The following NSMCE2 variants were observed in gnomAD, a reference collection of about 807,000 sequenced individuals.
The protein encoded by NSMCE2 is NSE2 SUMO ligase component of SMC5/6 complex.
Under a neutral mutation model 23.8 loss-of-function variants are expected in NSMCE2, and 24 were observed. That is an observed-to-expected ratio of 1.01 (90% confidence interval 0.73 to 1.42). NSMCE2 has a LOEUF of 1.42. Ranked by LOEUF, NSMCE2 falls within the 40% of genes most tolerant of loss-of-function variation. The pLI, the probability that NSMCE2 is intolerant of heterozygous loss-of-function variation, is 0.00. For synonymous variants in NSMCE2, 92 were observed against 94.1 expected (o/e 0.98, Z 0.13); for missense variants, 284 against 296.5 (o/e 0.96, Z 0.31).
At chr8:125,135,138 A>C (rs1481871950) in intron 3 of NSMCE2, among the ~76,000 whole-genome samples, 2 of 152,056 alleles carry the variant, frequency 1.3e-5, no homozygotes, top group Non-Finnish European at 2.9e-5. Flanking sequence ...GGCTGGTCTC[A>C]AACTTCTGAG....
chr8:125,092,276 T>C (rs1817699734), intron 1 of NSMCE2, among the ~76,000 whole-genome samples: 1 of 152,236 alleles, frequency 6.6e-6, no homozygotes, highest in Non-Finnish European at 1.5e-5. Context: ...TCTTCAGTTA[T>C]GTAGATTGCA....
intron 4 of NSMCE2, among the ~76,000 whole-genome samples, chr8:125,158,779 A>T (rs1024085381): frequency 1.3e-5 from 2 of 152,180 alleles, no homozygotes; most frequent in African/African-American, 4.8e-5. Flanking sequence ...GCCTTTCCCC[A>T]CTAATTGGCA....
intron 3 of NSMCE2, among the ~76,000 whole-genome samples, chr8:125,118,350 C>A (rs914862823): frequency 6.6e-6 from 1 of 151,910 alleles, no homozygotes; most frequent in African/African-American, 2.4e-5. Flanking sequence ...CACCGCACTC[C>A]AGCCTGGGTG....
intron 5 of NSMCE2, among the ~76,000 whole-genome samples, chr8:125,250,383 T>G (rs552909138): frequency 7.6e-4 from 116 of 152,326 alleles, no homozygotes; most frequent in African/African-American, 2.6e-3. Flanking sequence ...CCCTCTTACT[T>G]TAATTAATCC....
At chr8:125,149,890 G>A (rs181061869) in intron 3 of NSMCE2, among the ~76,000 whole-genome samples, 143 of 152,132 alleles carry the variant, frequency 9.4e-4, no homozygotes, top group African/African-American at 3.3e-3. Flanking sequence ...CTTTTCTCCT[G>A]TGATCTGCTC....
At chr8:125,326,267 AAAAT>A (rs1434903861) in intron 5 of NSMCE2, among the ~76,000 whole-genome samples, 49 of 152,314 alleles carry the variant, frequency 3.2e-4, no homozygotes, top group Admixed American at 1.1e-3. Flanking sequence ...AAAAAAAATT[AAAAT>A]AAATAATAAA....
At chr8:125,172,388 G>A (rs1027091505) in intron 4 of NSMCE2, among the ~76,000 whole-genome samples, 3 of 152,226 alleles carry the variant, frequency 2.0e-5, no homozygotes, top group Non-Finnish European at 4.4e-5. Context: ...TTCTAGACAG[G>A]TAAGCTTGGC....
chr8:125,193,562 C>G (rs1252375386), intron 5 of NSMCE2, among the ~76,000 whole-genome samples: 1 of 152,158 alleles, frequency 6.6e-6, no homozygotes, highest in Admixed American at 6.5e-5. Context: ...TTATTCTTCA[C>G]TAGTTTTCTA....
At chr8:125,347,666 A>T (rs1021016671) in intron 5 of NSMCE2, among the ~76,000 whole-genome samples, 2 of 152,250 alleles carry the variant, frequency 1.3e-5, no homozygotes, top group African/African-American at 2.4e-5. Flanking sequence ...CACATGAAAC[A>T]ACAGAATAAG....
chr8:125,193,870 T>A (rs182496743), intron 5 of NSMCE2, among the ~76,000 whole-genome samples: 77 of 152,300 alleles, frequency 5.1e-4, no homozygotes, highest in African/African-American at 1.8e-3. Flanking sequence ...ATAATTACCC[T>A]TTGTTATTCT....
intron 5 of NSMCE2, among the ~76,000 whole-genome samples, chr8:125,256,720 T>C (rs1395444268): frequency 1.3e-5 from 2 of 151,210 alleles, no homozygotes; most frequent in African/African-American, 4.9e-5. Context: ...GGTCAGGAGA[T>C]CGGGACCATC....
intron 3 of NSMCE2, among the ~76,000 whole-genome samples, chr8:125,119,857 A>T (rs1178241960): frequency 6.6e-6 from 1 of 151,984 alleles, no homozygotes; most frequent in Non-Finnish European, 1.5e-5. Context: ...GTACTTTATA[A>T]ATGAAATTAT....
At chr8:125,287,628 A>G (rs1409865784) in intron 5 of NSMCE2, among the ~76,000 whole-genome samples, 2 of 152,284 alleles carry the variant, frequency 1.3e-5, no homozygotes, top group East Asian at 3.9e-4. Flanking sequence ...TCAGGCTACA[A>G]ACCCACTCAA....
At chr8:125,181,323 G>A (rs886961892) in intron 4 of NSMCE2, among the ~76,000 whole-genome samples, 8 of 152,222 alleles carry the variant, frequency 5.3e-5, no homozygotes, top group Admixed American at 3.3e-4. Context: ...AAAAGAGCCC[G>A]TTGAGAGGAA....
intron 3 of NSMCE2, among the ~76,000 whole-genome samples, chr8:125,107,161 A>G (rs1001184122): frequency 1.3e-5 from 2 of 148,732 alleles, no homozygotes; most frequent in Non-Finnish European, 3.0e-5. Flanking sequence ...GAATTGTTCT[A>G]TATTGTACTG....
intron 5 of NSMCE2, among the ~76,000 whole-genome samples, chr8:125,275,622 C>T (rs1471189680): frequency 6.6e-6 from 1 of 152,166 alleles, no homozygotes; most frequent in South Asian, 2.1e-4. Flanking sequence ...TTCCTTTTCT[C>T]TAGACCTAAT....
intron 5 of NSMCE2, among the ~76,000 whole-genome samples, chr8:125,275,765 A>G (rs34556187): frequency 0.059 from 8,870 of 150,032 alleles, 367 homozygotes; most frequent in Non-Finnish European, 0.088. Context: ...AAATACTAAT[A>G]TCCAGATTTT....
At chr8:125,137,172 C>T (rs1251280010) in intron 3 of NSMCE2, among the ~76,000 whole-genome samples, 1 of 152,012 alleles carries the variant, frequency 6.6e-6, no homozygotes, top group Non-Finnish European at 1.5e-5. Flanking sequence ...CTTTTGTGAT[C>T]GTGACACTTC....
chr8:125,289,993 G>A (rs1003018357), intron 5 of NSMCE2, among the ~76,000 whole-genome samples: 2 of 152,284 alleles, frequency 1.3e-5, no homozygotes, highest in South Asian at 2.1e-4. Flanking sequence ...TGTTTTTCAC[G>A]GAGTTTAAAG....
Sources: allele counts gnomAD v4.1 joint callset (sites outside exome capture counted in the v4.1 genomes callset), GRCh38; gene constraint gnomAD v4.1.1; transcripts MANE v1.5; gene names NCBI Gene and HGNC (gene_info 2026-07-23, HGNC 2026-07-21).